FTO: variants seen among roughly 807,000 people sequenced by gnomAD.
FTO encodes alpha-ketoglutarate-dependent dioxygenase FTO.
Under a neutral mutation model 63.9 loss-of-function variants are expected in FTO, and 47 were observed. That is an observed-to-expected ratio of 0.74 (90% confidence interval 0.58 to 0.94). The LOEUF (loss-of-function observed/expected upper bound fraction) is 0.94, where lower values mean the gene tolerates loss of function less well. FTO is among the 40% of genes least tolerant of loss of function. The pLI is 0.00. For synonymous variants in FTO, 207 were observed against 224.4 expected, an observed-to-expected ratio of 0.92 and a Z score of 0.69; for missense variants, 562 against 618.1, an observed-to-expected ratio of 0.91 and a Z score of 0.96.
chr16:54,083,428 C>A (rs763850794), intron 8 of FTO, among the ~76,000 whole-genome samples: 2 of 152,184 alleles, frequency 1.3e-5, no homozygotes, highest in East Asian at 3.8e-4. Flanking sequence ...GTTTTCTGGT[C>A]TCCTTTGATG....
intron 1 of FTO, among the ~76,000 whole-genome samples, chr16:53,795,449 T>TTGTG (rs66611114): frequency 2.3e-4 from 35 of 149,756 alleles, no homozygotes; most frequent in African/African-American, 7.1e-4. Context: ...GCTAATACAT[T>TTGTG]TGTGTGTGTG....
intron 3 of FTO, among the ~76,000 whole-genome samples, chr16:53,833,270 C>T (rs1044417139): frequency 6.6e-6 from 1 of 152,118 alleles, no homozygotes. Flanking sequence ...TTTTTGTTTC[C>T]GGTTTCGGAT....
chr16:53,850,141 C>T (rs75946933), intron 4 of FTO, among the ~76,000 whole-genome samples: 4,116 of 152,290 alleles, frequency 0.027, 153 homozygotes, highest in African/African-American at 0.086. Flanking sequence ...ATTATAACTT[C>T]AGGCTGCAGT....
intron 1 of FTO, among the ~76,000 whole-genome samples, chr16:53,772,266 G>A (rs2077356926): frequency 6.6e-6 from 1 of 151,730 alleles, no homozygotes; most frequent in Non-Finnish European, 1.5e-5. Context: ...CTCTAACAGG[G>A]CAAGTGCTTC....
rs147446538 is a variant in FTO, at chr16:54,091,484, G to A, written c.1365-20278G>A. ...GAGCTTAGGAGTTCAAGGCTGCAGT[G>A]AGCTGTGATCACACCACTGTGCACT... On this transcript the variant is annotated intron_variant, in intron 8 of 8. Coordinates refer to ENST00000471389, the MANE Select transcript of FTO (RefSeq NM_001080432.3). Among the ~76,000 whole-genome samples, 1,374 of 152,258 alleles carry A rather than the reference G, an allele frequency of 9.0e-3. 8 individuals carry two copies. The highest frequency in any genetic ancestry group is 0.028 in the South Asian group (135 of 4,822).
At chr16:53,905,847 G>A (rs897015668) in intron 7 of FTO, among the ~76,000 whole-genome samples, 8 of 152,200 alleles carry the variant, frequency 5.3e-5, no homozygotes, top group African/African-American at 1.7e-4. Context: ...ATGGGTGTAC[G>A]CTCTCTCTGA....
At chr16:53,789,937 CAA>C (rs1245210547) in intron 1 of FTO, among the ~76,000 whole-genome samples, 9 of 146,980 alleles carry the variant, frequency 6.1e-5, no homozygotes, top group Admixed American at 5.4e-4. Context: ...CGTATATACA[CAA>C]AAATTATAAC....
chr16:53,755,225 T>C (rs961929174), intron 1 of FTO, among the ~76,000 whole-genome samples: 2 of 152,188 alleles, frequency 1.3e-5, no homozygotes, highest in Non-Finnish European at 2.9e-5. Flanking sequence ...CCAAATGTCA[T>C]TTATGTGAGA....
chr16:54,012,063 G>A (rs553164263), intron 8 of FTO, among the ~76,000 whole-genome samples: 118 of 152,318 alleles, frequency 7.7e-4, no homozygotes, highest in African/African-American at 2.6e-3. Flanking sequence ...AGTGAGGAAG[G>A]CATATCAAAA....
intron 8 of FTO, among the ~76,000 whole-genome samples, chr16:54,082,726 C>G (rs1459278815): frequency 6.6e-6 from 1 of 152,150 alleles, no homozygotes; most frequent in Non-Finnish European, 1.5e-5. Flanking sequence ...AATTTAAAAA[C>G]TTTGAGATAG....
chr16:54,049,460 T>C (rs2085263448), intron 8 of FTO, among the ~76,000 whole-genome samples: 2 of 152,186 alleles, frequency 1.3e-5, no homozygotes, highest in Non-Finnish European at 2.9e-5. Context: ...CAGGCTGATC[T>C]ACCACCTGGA....
chr16:53,913,954 G>A (rs868194351), intron 7 of FTO, among the ~76,000 whole-genome samples: 6 of 151,620 alleles, frequency 4.0e-5, no homozygotes, highest in Middle Eastern at 6.8e-3. Context: ...ACTCCGGCTT[G>A]GGCGGCAGAG....
chr16:54,076,316 G>A (rs2085992093), intron 8 of FTO, among the ~76,000 whole-genome samples: 1 of 152,162 alleles, frequency 6.6e-6, no homozygotes, highest in Non-Finnish European at 1.5e-5. Flanking sequence ...TAGGACTGAG[G>A]AGTCAATAGA....
chr16:53,746,805 ACTC>A (rs1243250947), intron 1 of FTO, among the ~76,000 whole-genome samples: 1 of 151,632 alleles, frequency 6.6e-6, no homozygotes, highest in East Asian at 1.9e-4. Context: ...TCCCAAACTT[ACTC>A]CTCCTGTCTA....
intron 1 of FTO, among the ~76,000 whole-genome samples, chr16:53,765,760 A>C (rs1411373345): frequency 6.6e-6 from 1 of 152,076 alleles, no homozygotes; most frequent in Non-Finnish European, 1.5e-5. Context: ...GGTGCTAAAG[A>C]GCTTAGCATG....
intron 8 of FTO, among the ~76,000 whole-genome samples, chr16:54,013,025 A>G (rs9924312): frequency 0.52 from 79,590 of 151,992 alleles, 23,366 homozygotes; most frequent in African/African-American, 0.79. Flanking sequence ...CATTTTGTAA[A>G]GCTATAGCTG....
Position 53,751,169 on chromosome 16 carries a change from G to A in FTO, c.45+46940G>A, listed in dbSNP as rs373362911. On this transcript the variant is annotated intron_variant, in intron 1 of 8. Coordinates refer to ENST00000471389, the MANE Select transcript of FTO (RefSeq NM_001080432.3). ...CACACCTGTAATCCCAGCACTTTGG[G>A]AGGCCAAGGCGAGAGATCACTTGAG... Among the ~76,000 whole-genome samples, 41 of 135,694 alleles carry A rather than the reference G, an allele frequency of 3.0e-4. 1 individual carries two copies. Among genetic ancestry groups the A allele is most frequent in the African/African-American group, 1.3e-3 (40 of 30,796 alleles). 89.0% of individuals were successfully genotyped at this position (135,694 alleles called of 152,430 possible). A position where few individuals can be genotyped will look rare whatever the true frequency, so the allele number is the denominator to read the frequency against.
At position 53,826,102 on chromosome 16, in the gene FTO, A is replaced by G; in HGVS notation, c.362A>G (p.Lys121Arg). 6.2e-7 allele frequency: 1 copy of G among 1,614,184 alleles called. No homozygotes were observed. Among genetic ancestry groups the G allele is most frequent in the Non-Finnish European group, 8.5e-7 (1 of 1,180,032 alleles). ...TRLFTVPWPV[K>R]GSNIKHTEAE... is the part of the protein sequence containing the mutation. The stretch of plus-strand genomic sequence containing the variant: ...CTCTTTACGGTCCCCTGGCCAGTGA[A>G]AGGGTCTAATATAAAACACACCGAG... The change falls in exon 3 of 9, where the codon AAA (lysine) becomes AGA (arginine). Residue 121 changes from lysine to arginine, a missense_variant. Transcript: ENST00000471389.
chr16:53,922,639 C>A (rs1158738047), intron 7 of FTO, among the ~76,000 whole-genome samples: 1 of 152,194 alleles, frequency 6.6e-6, no homozygotes, highest in Non-Finnish European at 1.5e-5. Context: ...ACATATTCCC[C>A]TCAGACTGAA....
Sources: gnomAD v4.1 joint callset for allele counts (sites outside exome capture counted in the v4.1 genomes callset) on GRCh38, gnomAD v4.1.1 for gene constraint, MANE v1.5 for transcripts, NCBI Gene and HGNC (gene_info 2026-07-23, HGNC 2026-07-21) for gene names.